Variants in YAP1 observed in about 807,000 individuals in gnomAD.
The protein encoded by YAP1 is Yes1 associated transcriptional regulator.
YAP1 carries 5 observed loss-of-function variants against 56.9 expected under a neutral mutation model. That is an observed-to-expected ratio of 0.09 (90% confidence interval 0.05 to 0.18). The LOEUF (loss-of-function observed/expected upper bound fraction) is 0.18, where lower values mean the gene tolerates loss of function less well. Among genes scored for constraint, YAP1 ranks in the 10% least tolerant of loss-of-function variants. YAP1 has a pLI of 1.00. For synonymous variants in YAP1, 265 were observed against 248.1 expected, an observed-to-expected ratio of 1.07 and a Z score of -0.64; for missense variants, 539 against 651.8, an observed-to-expected ratio of 0.83 and a Z score of 1.88.
intron 3 of YAP1, among the ~76,000 whole-genome samples, chr11:102,163,183 C>T (rs1051727745): frequency 2.0e-5 from 3 of 151,966 alleles, no homozygotes; most frequent in African/African-American, 7.3e-5. Context: ...CTTTTTCTAC[C>T]TCTTATTTGG....
At chr11:102,219,873 A>G (rs1355291799) in intron 6 of YAP1, among the ~76,000 whole-genome samples, 8 of 151,920 alleles carry the variant, frequency 5.3e-5, no homozygotes, top group Admixed American at 2.6e-4. Flanking sequence ...CTGGGACTAC[A>G]GGCATACGCC....
chr11:102,111,273 C>A, intron 1 of YAP1, 104 bp downstream of exon 1: 1 of 1,404,254 alleles, frequency 7.1e-7, no homozygotes, highest in Middle Eastern at 1.8e-4. Context: ...AGGGGGGTTG[C>A]GGGAACTCTA....
chr11:102,180,225 C>T (rs1591336339), intron 3 of YAP1, among the ~76,000 whole-genome samples: 1 of 151,912 alleles, frequency 6.6e-6, no homozygotes, highest in African/African-American at 2.4e-5. Flanking sequence ...CCATGTTGGC[C>T]AGGCTGGTCT....
At chr11:102,127,144 C>T (rs897554362) in intron 2 of YAP1, among the ~76,000 whole-genome samples, 1 of 152,178 alleles carries the variant, frequency 6.6e-6, no homozygotes, top group Non-Finnish European at 1.5e-5. Flanking sequence ...AAAATAAAAA[C>T]CCATTTTTTG....
chr11:102,190,969 A>C lies in YAP1; in HGVS notation c.802+4838A>C, dbSNP rs115055688. Among the ~76,000 whole-genome samples the C allele has an allele frequency of 3.2e-3, 490 of 151,266 alleles. 1 individual carries two copies. Among genetic ancestry groups the C allele is most frequent in the African/African-American group, 0.011 (469 of 41,186 alleles). On this transcript the variant is annotated intron_variant, in intron 4 of 8. Transcript: ENST00000282441. ...AGGCTGATGGATCATGAGGTTAGAG[A>C]TCAAGACCATCCTGGCCAACATGGT...
intron 2 of YAP1, among the ~76,000 whole-genome samples, chr11:102,131,624 A>G (rs902525616): frequency 6.6e-6 from 1 of 152,208 alleles, no homozygotes; most frequent in Non-Finnish European, 1.5e-5. Flanking sequence ...CTGATTGATG[A>G]CTGTAGTTTC....
chr11:102,194,714 CCAGT>C (rs1591382385), intron 4 of YAP1, among the ~76,000 whole-genome samples: 1 of 152,058 alleles, frequency 6.6e-6, no homozygotes, highest in East Asian at 1.9e-4. Flanking sequence ...TAGGAAGCCA[CCAGT>C]CAAATTTCAG....
rs1159689462 is a variant in YAP1 at position 102,230,837 on chromosome 11, A to C, written c.*897A>C. On this transcript the variant is annotated 3_prime_UTR_variant, in exon 9 of 9. Transcript: ENST00000282441. The stretch of plus-strand genomic sequence containing the variant: ...CTGGTTTTTTTTACCACCTTATTTA[A>C]ATCTCGATTATCTGCTCTCTCTTTT... 1 of 152,070 alleles carries C rather than the reference A, an allele frequency of 6.6e-6. No homozygotes were observed. The highest frequency in any genetic ancestry group is 1.5e-5 in the Non-Finnish European group (1 of 68,002). The allele number at this position is 152,070 out of a possible 1,614,324, so 9.4% of individuals were successfully genotyped here. A position where few individuals can be genotyped will look rare whatever the true frequency, so the allele number is the denominator to read the frequency against.
chr11:102,175,817 C>T (rs1442642034), intron 3 of YAP1, among the ~76,000 whole-genome samples: 1 of 152,182 alleles, frequency 6.6e-6, no homozygotes, highest in Non-Finnish European at 1.5e-5. Flanking sequence ...GCCACGACAT[C>T]TCTAGGTGAC....
intron 2 of YAP1, among the ~76,000 whole-genome samples, chr11:102,142,716 A>G (rs922477342): frequency 2.0e-5 from 3 of 152,186 alleles, no homozygotes; most frequent in Non-Finnish European, 2.9e-5. Context: ...AATCAGTTTT[A>G]GTTTTAGATT....
intron 4 of YAP1, among the ~76,000 whole-genome samples, chr11:102,202,089 CAT>C (rs1316867929): frequency 6.6e-6 from 1 of 152,134 alleles, no homozygotes; most frequent in Non-Finnish European, 1.5e-5. Flanking sequence ...ACATCATAAA[CAT>C]ATTTTCAAAT....
intron 2 of YAP1, among the ~76,000 whole-genome samples, chr11:102,159,379 C>T (rs1208903929): frequency 1.3e-5 from 2 of 152,182 alleles, no homozygotes; most frequent in Non-Finnish European, 2.9e-5. Flanking sequence ...GTTGAAGTAA[C>T]GGTCCAGAAA....
intron 7 of YAP1, among the ~76,000 whole-genome samples, chr11:102,225,998 G>A (rs945170003): frequency 3.3e-5 from 5 of 152,186 alleles, no homozygotes; most frequent in African/African-American, 9.7e-5. Context: ...TCTGTCCTCA[G>A]GAATGCCCAT....
At chr11:102,210,945 C>T (rs749805407) in intron 6 of YAP1, among the ~76,000 whole-genome samples, 3 of 151,952 alleles carry the variant, frequency 2.0e-5, no homozygotes, top group East Asian at 1.9e-4. Flanking sequence ...TTAGTAGAGA[C>T]GGGGTTTCAC....
intron 2 of YAP1, among the ~76,000 whole-genome samples, chr11:102,119,038 C>G (rs1031422624): frequency 1.3e-5 from 2 of 151,692 alleles, no homozygotes; most frequent in African/African-American, 4.8e-5. Context: ...ATTGCAATCA[C>G]GAAGTATTTC....
At chr11:102,199,158 A>C (rs1311777961) in intron 4 of YAP1, among the ~76,000 whole-genome samples, 1 of 152,216 alleles carries the variant, frequency 6.6e-6, no homozygotes, top group Admixed American at 6.5e-5. Flanking sequence ...AGCACCCACT[A>C]TTCCAGGTGT....
At chr11:102,115,751 C>A (rs150773058) in intron 2 of YAP1, among the ~76,000 whole-genome samples, 47 of 152,258 alleles carry the variant, frequency 3.1e-4, no homozygotes, top group African/African-American at 9.4e-4. Context: ...CTCAAGCAGA[C>A]ATCCAAAGTA....
intron 2 of YAP1, among the ~76,000 whole-genome samples, chr11:102,139,872 C>CT (rs919248168): frequency 2.0e-5 from 3 of 150,752 alleles, no homozygotes; most frequent in Non-Finnish European, 4.4e-5. Flanking sequence ...GTTTTGTGAG[C>CT]TTTTTTTTTA....
chr11:102,112,425 C>CTTTTTTT (rs751339753), intron 1 of YAP1: 82 of 827,324 alleles, frequency 9.9e-5, no homozygotes, highest in African/African-American at 6.1e-4. Flanking sequence ...ATTTCTTCTT[C>CTTTTTTT]TTTTTTTTTT....
Sources: gnomAD v4.1 joint callset for allele counts (sites outside exome capture counted in the v4.1 genomes callset) on GRCh38, gnomAD v4.1.1 for gene constraint, MANE v1.5 for transcripts, NCBI Gene and HGNC (gene_info 2026-07-23, HGNC 2026-07-21) for gene names.